The following DUSP22 variants were observed in gnomAD, a reference collection of about 807,000 sequenced individuals.
The protein encoded by DUSP22 is dual specificity protein phosphatase 22.
A neutral mutation model predicts 24.5 loss-of-function variants in DUSP22; 24 were observed. The observed-to-expected ratio is 0.98, with a 90% confidence interval of 0.71 to 1.38. The LOEUF (loss-of-function observed/expected upper bound fraction) is 1.38, where lower values mean the gene tolerates loss of function less well. DUSP22 is among the 40% of genes most tolerant of loss of function. The probability of loss-of-function intolerance (pLI) is 0.00; values close to 1 mark genes in which losing one functional copy is unlikely to be tolerated. For synonymous variants in DUSP22, 160 were observed against 106.4 expected, an observed-to-expected ratio of 1.50 and a Z score of -3.10; for missense variants, 330 against 269.2, an observed-to-expected ratio of 1.23 and a Z score of -1.58.
Position 349,206 on chromosome 6 carries a change from T to A in DUSP22, c.*255T>A. On this transcript the variant is annotated 3_prime_UTR_variant, in exon 7 of 7. Transcript: ENST00000419235. ...GTGGCTGTGCACTGCTCTGTGCACGTGCGTGTGTGTGAGTGCACTTGTGTG... is the reference window on the plus strand; with the variant it reads ...GTGGCTGTGCACTGCTCTGTGCACGAGCGTGTGTGTGAGTGCACTTGTGTG... 3 of 1,402,764 alleles carry A rather than the reference T, an allele frequency of 2.1e-6. No individual in the cohort carries two copies. The highest frequency in any genetic ancestry group is 2.8e-6 in the Non-Finnish European group (3 of 1,079,980). 86.9% of individuals were successfully genotyped at this position (1,402,764 alleles called of 1,614,324 possible). A position where few individuals can be genotyped will look rare whatever the true frequency, so the allele number is the denominator to read the frequency against.
chr6:329,504 G>A (rs1353818698), intron 3 of DUSP22, among the ~76,000 whole-genome samples: 1 of 152,308 alleles, frequency 6.6e-6, no homozygotes, highest in African/African-American at 2.4e-5. Context: ...CCAGACTGGA[G>A]TGCAGTGGTG....
At chr6:331,701 T>C (rs1186866586) in intron 3 of DUSP22, among the ~76,000 whole-genome samples, 1 of 152,304 alleles carries the variant, frequency 6.6e-6, no homozygotes, top group African/African-American at 2.4e-5. Flanking sequence ...ATTGTACACA[T>C]GTGCAGGTAT....
intron 3 of DUSP22, among the ~76,000 whole-genome samples, chr6:331,443 C>G (rs3778603): frequency 6.6e-6 from 1 of 152,112 alleles, no homozygotes; most frequent in South Asian, 2.1e-4. Context: ...TTTTTTTAAC[C>G]TCCAAGTTTG....
intron 2 of DUSP22, among the ~76,000 whole-genome samples, chr6:307,161 C>A (rs1446445304): frequency 6.6e-6 from 1 of 152,308 alleles, no homozygotes; most frequent in Non-Finnish European, 1.5e-5. Flanking sequence ...CTCATATAGT[C>A]ATTTATCCTG....
intron 3 of DUSP22, among the ~76,000 whole-genome samples, chr6:316,129 A>C (rs1581161649): frequency 6.6e-6 from 1 of 152,296 alleles, no homozygotes; most frequent in East Asian, 1.9e-4. Context: ...TGAGTCCAGC[A>C]AGGTGGATGG....
intron 4 of DUSP22, among the ~76,000 whole-genome samples, chr6:340,529 T>C (rs937112210): frequency 1.3e-5 from 2 of 152,298 alleles, no homozygotes; most frequent in Non-Finnish European, 2.9e-5. Context: ...AAGCAAAAAC[T>C]TTTTTTTCTA....
intron 4 of DUSP22, among the ~76,000 whole-genome samples, chr6:340,912 T>C (rs903077486): frequency 6.6e-6 from 1 of 152,308 alleles, no homozygotes; most frequent in South Asian, 2.1e-4. Flanking sequence ...GTGAACACCA[T>C]GTAGTGTGAT....
Position 350,253 on chromosome 6 carries a change from G to T in DUSP22, c.*1302G>T, listed in dbSNP as rs962953059. 7.1e-6 allele frequency: 7 copies of T among 988,714 alleles called. No homozygotes were observed. Among genetic ancestry groups the T allele is most frequent in the African/African-American group, 7.0e-5 (4 of 57,298 alleles). The allele number at this position is 988,714 out of a possible 1,614,324, so 61.2% of individuals were successfully genotyped here. On this transcript the variant is annotated 3_prime_UTR_variant, in exon 7 of 7. Transcript: ENST00000419235. ...GTTTGGGCTCCAGTAATGCTTTCTG[G>T]TGGGTAAAATTCCACATTCAGGCCA... is the stretch of plus-strand genomic sequence containing the variant.
chr6:316,339 G>A (rs1297056527), intron 3 of DUSP22, among the ~76,000 whole-genome samples: 4 of 152,308 alleles, frequency 2.6e-5, no homozygotes, highest in African/African-American at 7.2e-5. Context: ...AATCATTGCC[G>A]CATATATTAA....
intron 3 of DUSP22, chr6:319,901 A>G (rs1758514126): frequency 6.6e-6 from 1 of 152,376 alleles, no homozygotes; most frequent in Non-Finnish European, 1.5e-5. Context: ...AGATTTAAAT[A>G]GATATGACTC....
Position 304,785 on chromosome 6 carries a change from A to G in DUSP22, c.55+124A>G. 5 of 1,371,128 alleles carry G rather than the reference A, an allele frequency of 3.6e-6. No homozygotes were observed. In the Admixed American group the frequency reaches 5.2e-5, roughly 14 times the overall value. 84.9% of individuals were successfully genotyped at this position (1,371,128 alleles called of 1,614,324 possible). On this transcript the variant is annotated intron_variant, in intron 2 of 6. Transcript: ENST00000419235. ...TTTGCATTGCTGTGCAGCCATCACC[A>G]ACATCCTTCTGCAGGACTTTTCATG...
intron 4 of DUSP22, among the ~76,000 whole-genome samples, chr6:339,198 C>T (rs555377306): frequency 2.9e-4 from 44 of 152,390 alleles, no homozygotes; most frequent in Admixed American, 7.2e-4. Flanking sequence ...AAGTGGCCAG[C>T]GTGGTATGGG....
chr6:349,310 G>T lies in DUSP22; in HGVS notation c.*359G>T. On this transcript the variant is annotated 3_prime_UTR_variant, in exon 7 of 7. Transcript: ENST00000419235. ...CTAAGTGTGTACATGTGTGTATGTT[G>T]TGAAAGTGTCTGTGCACATGAATGT... is the stretch of plus-strand genomic sequence containing the variant. The T allele has an allele frequency of 8.5e-7, 1 of 1,181,868 alleles. No homozygotes were observed. Among genetic ancestry groups the T allele is most frequent in the East Asian group, 4.6e-5 (1 of 21,532 alleles). 73.2% of individuals were successfully genotyped at this position (1,181,868 alleles called of 1,614,324 possible).
intron 1 of DUSP22, among the ~76,000 whole-genome samples, chr6:295,637 A>G (rs1757289464): frequency 6.6e-6 from 1 of 152,164 alleles, no homozygotes; most frequent in Non-Finnish European, 1.5e-5. Context: ...AAAACCCACA[A>G]AAACAAAGCA....
intron 3 of DUSP22, among the ~76,000 whole-genome samples, chr6:324,185 C>T (rs1327752270): frequency 6.6e-6 from 1 of 152,422 alleles, no homozygotes; most frequent in Admixed American, 6.5e-5. Flanking sequence ...CTCTAGCCTC[C>T]TTGGTGGCCG....
rs1561684444 is a variant in DUSP22, at chr6:348,269, C to T, written c.430C>T (p.His144Tyr). ...QLQEFEKHEV[H>Y]QYRQWLKEEY... Reference sequence around the variant, plus strand: ...CCAGGAGTTTGAGAAGCATGAGGTCCATCAGGTAAGCAGTTCTTAGGGGAC... The same window carrying T: ...CCAGGAGTTTGAGAAGCATGAGGTCTATCAGGTAAGCAGTTCTTAGGGGAC... The change falls in exon 6 of 7, where the codon CAT (histidine) becomes TAT (tyrosine). Residue 144 changes from histidine to tyrosine, a missense_variant. His to Tyr is a moderately conservative substitution (Grantham distance 83). Coordinates refer to ENST00000419235, the MANE Select transcript of DUSP22 (RefSeq NM_001286555.3). The T allele has an allele frequency of 1.9e-6, 3 of 1,614,286 alleles. No homozygotes were observed. Among genetic ancestry groups the T allele is most frequent in the Non-Finnish European group, 1.7e-6 (2 of 1,180,058 alleles).
In DUSP22 at chr6:345,972, C is replaced by T. The variant is rs199871079; in HGVS notation, c.263+44C>T. ...TAATAGCGCCTTAGCGTATTCTGGT[C>T]GGCTTGGCTTCCCATCAAGTGTTTT... On this transcript the variant is annotated intron_variant, in intron 5 of 6. Coordinates refer to ENST00000419235, the MANE Select transcript of DUSP22 (RefSeq NM_001286555.3). The T allele has an allele frequency of 1.1e-3, 1,753 of 1,607,116 alleles. No homozygotes were observed. The East Asian group carries it at 0.021, about 19-fold the overall frequency.
Position 345,926 on chromosome 6 carries a change from C to T in DUSP22, c.261C>T (p.His87=), listed in dbSNP as rs776521161. ...TCCGCGGTGAGAGCTGCCTTGTACA[C>T]TGGTACGTGTGTCTCTTGCTTAATA... ...CRLRGESCLV[H]CLAGVSRSVT... is the part of the protein sequence containing the mutation. Residue 87 remains histidine (H), a splice_region_variant and synonymous_variant, in exon 5 of 7, where the codon CAC becomes CAT. Transcript: ENST00000419235. 1 of 1,614,232 alleles carries T rather than the reference C, an allele frequency of 6.2e-7. No individual in the cohort carries two copies. The highest frequency in any genetic ancestry group is 1.1e-5 in the South Asian group (1 of 91,080).
intron 3 of DUSP22, 34 bp downstream of exon 3, chr6:311,996 C>T (rs1206128925): frequency 5.6e-6 from 9 of 1,596,090 alleles, no homozygotes; most frequent in Non-Finnish European, 7.7e-6. Context: ...TGTGGGTGTC[C>T]TCATTTGTAT....
Sources: allele counts gnomAD v4.1 joint callset (sites outside exome capture counted in the v4.1 genomes callset), GRCh38; gene constraint gnomAD v4.1.1; transcripts MANE v1.5; gene names NCBI Gene and HGNC (gene_info 2026-07-23, HGNC 2026-07-21).